ST6GAL2: variants seen among roughly 807,000 people sequenced by gnomAD.
ST6GAL2 encodes beta-galactoside alpha-2,6-sialyltransferase 2.
A neutral mutation model predicts 37.5 loss-of-function variants in ST6GAL2; 24 were observed. The ratio of observed to expected loss-of-function variants is 0.64; its 90% CI spans 0.46 to 0.90. The LOEUF (loss-of-function observed/expected upper bound fraction) is 0.90. Ranked by LOEUF, ST6GAL2 falls within the 40% of genes least tolerant of loss-of-function variation. The pLI is 0.00. For synonymous variants in ST6GAL2, 306 were observed against 295.1 expected (o/e 1.04, Z -0.38); for missense variants, 715 against 712.7 (o/e 1.00, Z -0.04).
chr2:106,869,935 AT>A (rs1678194480), intron 1 of ST6GAL2, among the ~76,000 whole-genome samples: 1 of 152,164 alleles, frequency 6.6e-6, no homozygotes, highest in Non-Finnish European at 1.5e-5. Context: ...CCAATCCTAA[AT>A]TGTGGAGACT....
intron 1 of ST6GAL2, among the ~76,000 whole-genome samples, chr2:106,864,649 T>C (rs568532861): frequency 2.7e-4 from 41 of 152,334 alleles, no homozygotes; most frequent in East Asian, 1.4e-3. Flanking sequence ...TCAGATCAGT[T>C]TCTTCAACTG....
chr2:106,837,758 T>C (rs1290886534), intron 2 of ST6GAL2, among the ~76,000 whole-genome samples: 1 of 152,232 alleles, frequency 6.6e-6, no homozygotes, highest in Non-Finnish European at 1.5e-5. Context: ...CTGAATTAAT[T>C]GCATCACCCT....
At chr2:106,848,069 G>A (rs138656131) in intron 1 of ST6GAL2, among the ~76,000 whole-genome samples, 34 of 147,010 alleles carry the variant, frequency 2.3e-4, no homozygotes, top group African/African-American at 7.8e-4. Context: ...TTGAGACAGA[G>A]TCTCGCTCTG....
intron 2 of ST6GAL2, among the ~76,000 whole-genome samples, chr2:106,837,299 T>A (rs1369515144): frequency 3.3e-5 from 5 of 152,144 alleles, no homozygotes; most frequent in African/African-American, 9.7e-5. Context: ...CCCCACTGAA[T>A]CTGAAAAACA....
intron 4 of ST6GAL2, 152 bp from the exon 5 acceptor site, chr2:106,830,392 T>C (rs1041423991): frequency 1.2e-5 from 8 of 646,866 alleles, no homozygotes; most frequent in African/African-American, 1.8e-5. Context: ...CACTTCCTCA[T>C]TGGGATGAGG....
chr2:106,849,559 G>A (rs925680177), intron 1 of ST6GAL2, among the ~76,000 whole-genome samples: 1 of 152,082 alleles, frequency 6.6e-6, no homozygotes, highest in Non-Finnish European at 1.5e-5. Flanking sequence ...GTCTTTTGTG[G>A]GGGAAATTTG....
At position 106,843,906 on chromosome 2, in the gene ST6GAL2, C is replaced by A. The variant is rs1335180034; in HGVS notation, c.72G>T (p.Leu24Phe). 6.2e-7 allele frequency: 1 copy of A among 1,602,322 alleles called. No individual in the cohort carries two copies. The highest frequency in any genetic ancestry group is 8.5e-7 in the Non-Finnish European group (1 of 1,178,802). The change falls in exon 2 of 6, where the codon TTG becomes TTT. Residue 24 changes from leucine to phenylalanine, a missense_variant. This residue lies in a region of ST6GAL2 where 512 missense variants were observed against 488.8 expected (regional missense o/e 1.05). Transcript: ENST00000409382. ...FGIFAWGLLF[L>F]LIFIYFTDSN... ...TGTCGGTGAAGTAGATGAAAATCAG[C>A]AAAAAGAGGAGCCCCCAAGCGAATA...
chr2:106,808,106 C>T (rs543216669), intron 5 of ST6GAL2, among the ~76,000 whole-genome samples: 8 of 152,260 alleles, frequency 5.3e-5, no homozygotes, highest in African/African-American at 1.9e-4. Context: ...CTGAAGATGA[C>T]AGTAATATTC....
At chr2:106,850,572 A>C (rs763510502) in intron 1 of ST6GAL2, among the ~76,000 whole-genome samples, 28 of 152,190 alleles carry the variant, frequency 1.8e-4, no homozygotes, top group Admixed American at 1.2e-3. Context: ...ATTCTCCAAA[A>C]TGATTAAGTC....
At position 106,877,697 on chromosome 2, in the gene ST6GAL2, C is replaced by T. The variant is rs1231241073; in HGVS notation, c.-58+8396G>A. On this transcript the variant is annotated intron_variant, in intron 1 of 5. Coordinates refer to ENST00000409382, the MANE Select transcript of ST6GAL2 (RefSeq NM_001142351.2). ...CAAGATAAACAAGAGTGCTCAAATA[C>T]CTTACTGCATTCATTAATCCTTATT... is the stretch of plus-strand genomic sequence containing the variant. Among the ~76,000 whole-genome samples the T allele has an allele frequency of 3.3e-5, 5 of 152,220 alleles. No homozygotes were observed. The South Asian group carries it at 1.0e-3, about 32-fold the overall frequency.
intron 3 of ST6GAL2, among the ~76,000 whole-genome samples, chr2:106,833,703 T>A (rs1359180952): frequency 2.0e-5 from 3 of 152,226 alleles, no homozygotes; most frequent in Admixed American, 6.5e-5. Context: ...TTCTCCCCTT[T>A]ATCCTCTGCT....
intron 1 of ST6GAL2, among the ~76,000 whole-genome samples, chr2:106,844,975 C>T (rs1677086128): frequency 6.6e-6 from 1 of 152,294 alleles, no homozygotes; most frequent in East Asian, 1.9e-4. Flanking sequence ...CTCCTAACTT[C>T]AGGAACTTAA....
chr2:106,842,997 T>A (rs1676957595), intron 2 of ST6GAL2, 38 bp downstream of exon 2: 13 of 1,333,694 alleles, frequency 9.7e-6, no homozygotes, highest in East Asian at 5.8e-5. Context: ...ACACACTGGC[T>A]CAAGACAGGG....
chr2:106,823,698 A>G (rs1056215131), intron 5 of ST6GAL2, among the ~76,000 whole-genome samples: 1 of 152,152 alleles, frequency 6.6e-6, no homozygotes, highest in Admixed American at 6.5e-5. Flanking sequence ...AAAATGCAAT[A>G]AACTGGGTGG....
intron 5 of ST6GAL2, among the ~76,000 whole-genome samples, chr2:106,828,179 A>G (rs1676278249): frequency 6.6e-6 from 1 of 152,338 alleles, no homozygotes; most frequent in Non-Finnish European, 1.5e-5. Context: ...CATGTTGATA[A>G]TAAGTGTATC....
intron 5 of ST6GAL2, among the ~76,000 whole-genome samples, chr2:106,814,827 G>A (rs1408270262): frequency 6.6e-6 from 1 of 152,142 alleles, no homozygotes; most frequent in South Asian, 2.1e-4. Flanking sequence ...CCTCAGTCAG[G>A]CACAGTCAAA....
At chr2:106,814,697 G>A (rs1376831451) in intron 5 of ST6GAL2, among the ~76,000 whole-genome samples, 9 of 152,200 alleles carry the variant, frequency 5.9e-5, no homozygotes, top group Non-Finnish European at 1.3e-4. Flanking sequence ...CCTACTGCAT[G>A]CAGGTGGCAA....
At chr2:106,863,709 T>C (rs988815303) in intron 1 of ST6GAL2, among the ~76,000 whole-genome samples, 5 of 152,182 alleles carry the variant, frequency 3.3e-5, no homozygotes, top group Non-Finnish European at 5.9e-5. Context: ...TTCTCCCAAC[T>C]GTAAAATAAG....
At chr2:106,836,990 C>G (rs903430684) in intron 2 of ST6GAL2, among the ~76,000 whole-genome samples, 3 of 147,378 alleles carry the variant, frequency 2.0e-5, no homozygotes, top group African/African-American at 7.5e-5. Context: ...TGATTAGTAT[C>G]ACCATGGAGT....
Sources: allele counts gnomAD v4.1 joint callset (sites outside exome capture counted in the v4.1 genomes callset), GRCh38; gene constraint gnomAD v4.1.1; regional missense constraint gnomAD v4.1.1; transcripts MANE v1.5; gene names NCBI Gene and HGNC (gene_info 2026-07-23, HGNC 2026-07-21).